The following CACNA2D1 variants were observed in gnomAD, a reference collection of about 807,000 sequenced individuals.
CACNA2D1 encodes the protein voltage-dependent calcium channel subunit alpha-2/delta-1.
A neutral mutation model predicts 171.5 loss-of-function variants in CACNA2D1; 53 were observed. The observed-to-expected ratio is 0.31, with a 90% CI of 0.25 to 0.39. The LOEUF is 0.39. Among genes scored for constraint, CACNA2D1 ranks in the 10% least tolerant of loss-of-function variants. CACNA2D1 has a pLI of 1.00. For missense variants in CACNA2D1, 903 were observed against 1,299.8 expected (o/e 0.69, Z 4.69); for synonymous variants, 442 against 443.1 (o/e 1.00, Z 0.03).
At chr7:81,995,721 C>T (rs1254786327) in intron 19 of CACNA2D1, among the ~76,000 whole-genome samples, 1 of 149,938 alleles carries the variant, frequency 6.7e-6, no homozygotes, top group Non-Finnish European at 1.5e-5. Context: ...ATGGCATGAA[C>T]CCAGGAGGTG....
At chr7:82,144,012 T>G (rs547126911) in intron 4 of CACNA2D1, among the ~76,000 whole-genome samples, 1 of 152,250 alleles carries the variant, frequency 6.6e-6, no homozygotes, top group Non-Finnish European at 1.5e-5. Context: ...ACCCCACTTA[T>G]CTGATGACAC....
intron 38 of CACNA2D1, among the ~76,000 whole-genome samples, chr7:81,956,051 A>G (rs10256287): frequency 0.41 from 57,103 of 140,304 alleles, 11,765 homozygotes; most frequent in East Asian, 0.51. Flanking sequence ...GCAGTGGCAC[A>G]ATCTCAGCTT....
At chr7:82,099,237 T>A (rs1201382800) in intron 6 of CACNA2D1, among the ~76,000 whole-genome samples, 1 of 152,098 alleles carries the variant, frequency 6.6e-6, no homozygotes, top group East Asian at 1.9e-4. Context: ...CAGTTGAAAA[T>A]CTTTTATATT....
intron 38 of CACNA2D1, among the ~76,000 whole-genome samples, chr7:81,956,365 AAATCTTATCTAAAAATTCTAT>A (rs1482157379): frequency 6.6e-6 from 1 of 152,088 alleles, no homozygotes; most frequent in Non-Finnish European, 1.5e-5. Flanking sequence ...GATAACCTAT[AAATCTTATCTAAAAATTCTAT>A]GATTGACAGA....
At chr7:82,020,102 C>A (rs1016097970) in intron 12 of CACNA2D1, among the ~76,000 whole-genome samples, 15 of 152,044 alleles carry the variant, frequency 9.9e-5, no homozygotes, top group African/African-American at 3.6e-4. Context: ...TTTATAAAGC[C>A]CAAGGATCTG....
chr7:82,194,937 G>T (rs1344570520), intron 3 of CACNA2D1, among the ~76,000 whole-genome samples: 1 of 151,980 alleles, frequency 6.6e-6, no homozygotes, highest in East Asian at 1.9e-4. Context: ...GAGATTCCAA[G>T]TAGTCATATG....
At chr7:82,046,541 T>A (rs1322387828) in intron 10 of CACNA2D1, among the ~76,000 whole-genome samples, 3 of 152,178 alleles carry the variant, frequency 2.0e-5, no homozygotes, top group Non-Finnish European at 4.4e-5. Flanking sequence ...CAGCCAAAAC[T>A]GATTCAATTA....
chr7:82,243,272 A>G (rs1804530625), intron 3 of CACNA2D1, among the ~76,000 whole-genome samples: 1 of 152,142 alleles, frequency 6.6e-6, no homozygotes, highest in Admixed American at 6.6e-5. Context: ...CTTCAGAGGC[A>G]CCATTAAGAA....
intron 1 of CACNA2D1, among the ~76,000 whole-genome samples, chr7:82,374,937 A>G (rs1020262992): frequency 4.0e-5 from 6 of 149,088 alleles, no homozygotes; most frequent in African/African-American, 1.6e-4. Context: ...AAAATAAGGG[A>G]TCTCTCTAAA....
Position 81,947,380 on chromosome 7 carries a change from A to G in CACNA2D1, c.*3012T>C, listed in dbSNP as rs117235395. ...AACACCTCAAGCATTAGAAACATGA[A>G]AAAAGATCATACTAAAATCTTATAG... On this transcript the variant is annotated 3_prime_UTR_variant, in exon 39 of 39. Coordinates refer to ENST00000356860, the MANE Select transcript of CACNA2D1 (RefSeq NM_000722.4). 1 of 151,852 alleles carries G rather than the reference A, an allele frequency of 6.6e-6. No individual in the cohort carries two copies. The highest frequency in any genetic ancestry group is 6.6e-5 in the Admixed American group (1 of 15,240). The allele number at this position is 151,852 out of a possible 1,614,324, so 9.4% of individuals were successfully genotyped here. A position where few individuals can be genotyped will look rare whatever the true frequency, so the allele number is the denominator to read the frequency against.
At chr7:82,276,308 C>T (rs1290271571) in intron 3 of CACNA2D1, among the ~76,000 whole-genome samples, 3 of 152,204 alleles carry the variant, frequency 2.0e-5, no homozygotes, top group African/African-American at 7.2e-5. Flanking sequence ...CTTGTTTTCC[C>T]TACTTCCTTC....
chr7:82,405,104 C>A (rs1826869454), intron 1 of CACNA2D1, among the ~76,000 whole-genome samples: 1 of 152,102 alleles, frequency 6.6e-6, no homozygotes, highest in South Asian at 2.1e-4. Context: ...TTCTCTTTAT[C>A]ATTTTTAAAA....
chr7:81,974,614 G>A, intron 24 of CACNA2D1, 62 bp from the exon 25 acceptor site: 2 of 863,182 alleles, frequency 2.3e-6, no homozygotes, highest in South Asian at 1.5e-5. Context: ...GGTAATTAAA[G>A]GTAGTGAAAA....
At chr7:82,076,929 A>C (rs1809035557) in intron 7 of CACNA2D1, among the ~76,000 whole-genome samples, 1 of 152,036 alleles carries the variant, frequency 6.6e-6, no homozygotes, top group Non-Finnish European at 1.5e-5. Flanking sequence ...TCTCTTCTTC[A>C]TTGACTTGGT....
intron 1 of CACNA2D1, among the ~76,000 whole-genome samples, chr7:82,355,079 T>C (rs1485537998): frequency 1.3e-5 from 2 of 152,288 alleles, no homozygotes; most frequent in Non-Finnish European, 2.9e-5. Context: ...CCTGATAACT[T>C]ATGAATATGC....
chr7:82,047,072 A>C (rs1584530958), intron 10 of CACNA2D1, among the ~76,000 whole-genome samples: 1 of 152,084 alleles, frequency 6.6e-6, no homozygotes, highest in Non-Finnish European at 1.5e-5. Context: ...CTGCATCTCC[A>C]CCTGACATTT....
In CACNA2D1 at chr7:82,092,427, G is replaced by A. The variant is rs28441313; in HGVS notation, c.527-7527C>T. Among the ~76,000 whole-genome samples the A allele has an allele frequency of 3.3e-3, 501 of 151,374 alleles. 3 individuals are homozygous for A. Among genetic ancestry groups the A allele is most frequent in the African/African-American group, 0.012 (482 of 41,248 alleles). On this transcript the variant is annotated intron_variant, in intron 6 of 38. Coordinates refer to ENST00000356860, the MANE Select transcript of CACNA2D1 (RefSeq NM_000722.4). ...CATTCTGTCGCCCAGGCTGGAGTGCGGTGGCACAATCTAGGCTCACTGCCA... is the reference window on the plus strand; with the variant it reads ...CATTCTGTCGCCCAGGCTGGAGTGCAGTGGCACAATCTAGGCTCACTGCCA...
At chr7:82,411,895 T>TCTCACACACACACACACACA (rs1554548045) in intron 1 of CACNA2D1, among the ~76,000 whole-genome samples, 69 of 144,886 alleles carry the variant, frequency 4.8e-4, no homozygotes, top group East Asian at 3.5e-3. Flanking sequence ...AAACTAAATC[T>TCTCACACACACACACACACA]CACACACACA....
intron 3 of CACNA2D1, among the ~76,000 whole-genome samples, chr7:82,269,009 C>T (rs79003398): frequency 0.037 from 5,673 of 152,136 alleles, 143 homozygotes; most frequent in Middle Eastern, 0.075. Context: ...AAAGTTGATG[C>T]CTCTCTTGTA....
Sources: gnomAD v4.1 joint callset for allele counts (sites outside exome capture counted in the v4.1 genomes callset) on GRCh38, gnomAD v4.1.1 for gene constraint, MANE v1.5 for transcripts, NCBI Gene and HGNC (gene_info 2026-07-23, HGNC 2026-07-21) for gene names.